KCND2: variants seen among roughly 807,000 people sequenced by gnomAD.
The protein encoded by KCND2 is A-type voltage-gated potassium channel KCND2.
In KCND2, 16 loss-of-function variants were observed where a neutral mutation model predicts 54.4. That is an observed-to-expected ratio of 0.29 (90% CI 0.20 to 0.45). KCND2 has a LOEUF of 0.45. KCND2 is among the 20% of genes least tolerant of loss of function. The pLI, the probability that KCND2 is intolerant of heterozygous loss-of-function variation, is 1.00. For missense variants in KCND2, 486 were observed against 824.2 expected, an observed-to-expected ratio of 0.59 and a Z score of 5.02; for synonymous variants, 317 against 310.7, an observed-to-expected ratio of 1.02 and a Z score of -0.21.
chr7:120,335,460 C>T (rs200538692), intron 1 of KCND2, among the ~76,000 whole-genome samples: 56 of 136,776 alleles, frequency 4.1e-4, no homozygotes, highest in African/African-American at 1.2e-3. Context: ...TATTTATTTA[C>T]TTACTTACTT....
chr7:120,300,079 A>C (rs1799564434), intron 1 of KCND2, among the ~76,000 whole-genome samples: 1 of 152,322 alleles, frequency 6.6e-6, no homozygotes, highest in South Asian at 2.1e-4. Flanking sequence ...GTTAACTTTA[A>C]GGAAGAACTA....
At chr7:120,312,166 C>A (rs994542897) in intron 1 of KCND2, among the ~76,000 whole-genome samples, 1 of 152,228 alleles carries the variant, frequency 6.6e-6, no homozygotes, top group South Asian at 2.1e-4. Context: ...TTCGGCCTCC[C>A]AAAATGCTGG....
intron 1 of KCND2, among the ~76,000 whole-genome samples, chr7:120,293,340 G>A (rs537529528): frequency 6.6e-6 from 1 of 152,076 alleles, no homozygotes; most frequent in African/African-American, 2.4e-5. Context: ...GAAAGCATTT[G>A]CCCAGTGCAA....
At chr7:120,296,547 G>A (rs749966607) in intron 1 of KCND2, among the ~76,000 whole-genome samples, 1 of 152,008 alleles carries the variant, frequency 6.6e-6, no homozygotes, top group Admixed American at 6.6e-5. Flanking sequence ...ATATGGGAAT[G>A]GTAATTGTTT....
intron 1 of KCND2, among the ~76,000 whole-genome samples, chr7:120,589,101 G>C (rs185280304): frequency 2.0e-5 from 3 of 152,102 alleles, no homozygotes; most frequent in African/African-American, 7.2e-5. Flanking sequence ...GCTAACACAC[G>C]TTTATTATTT....
In KCND2 at chr7:120,385,283, A is replaced by G. The variant is rs575602175; in HGVS notation, c.1115+109536A>G. Reference sequence around the variant, plus strand: ...GCTGGGATTACAGACATGAGCCACCATGCCCGGCCCATTTGTACACAACTT... The same window carrying G: ...GCTGGGATTACAGACATGAGCCACCGTGCCCGGCCCATTTGTACACAACTT... On this transcript the variant is annotated intron_variant, in intron 1 of 5. Coordinates refer to ENST00000331113, the MANE Select transcript of KCND2 (RefSeq NM_012281.3). 1.5e-3 allele frequency among the ~76,000 whole-genome samples: 224 copies of G among 152,030 alleles called. 1 individual carries two copies. The South Asian group carries it at 0.044, about 30-fold the overall frequency.
chr7:120,627,116 C>A (rs1793173558), intron 1 of KCND2, among the ~76,000 whole-genome samples: 1 of 152,124 alleles, frequency 6.6e-6, no homozygotes, highest in Non-Finnish European at 1.5e-5. Context: ...CAGCAGAAAC[C>A]TGGATGCAAC....
chr7:120,729,948 C>T (rs1258752259), intron 1 of KCND2, among the ~76,000 whole-genome samples: 1 of 152,092 alleles, frequency 6.6e-6, no homozygotes, highest in Non-Finnish European at 1.5e-5. Context: ...GGTGTATCTC[C>T]TTACTTTTCG....
chr7:120,571,009 T>C (rs1051922084), intron 1 of KCND2, among the ~76,000 whole-genome samples: 2 of 152,314 alleles, frequency 1.3e-5, no homozygotes, highest in Admixed American at 1.3e-4. Flanking sequence ...TGCACGCTGC[T>C]CAAGTCTCCG....
chr7:120,743,762 G>A (rs893672693), intron 4 of KCND2, among the ~76,000 whole-genome samples: 2 of 152,312 alleles, frequency 1.3e-5, no homozygotes, highest in South Asian at 2.1e-4. Flanking sequence ...AGTGTAGCAT[G>A]GCAAAAGAGG....
At chr7:120,485,779 A>G (rs1802684238) in intron 1 of KCND2, among the ~76,000 whole-genome samples, 1 of 152,226 alleles carries the variant, frequency 6.6e-6, no homozygotes, top group Non-Finnish European at 1.5e-5. Flanking sequence ...GATAAACTGC[A>G]CATATAACAT....
At chr7:120,626,007 A>G (rs1793159473) in intron 1 of KCND2, among the ~76,000 whole-genome samples, 1 of 152,132 alleles carries the variant, frequency 6.6e-6, no homozygotes. Flanking sequence ...GGAACATTTT[A>G]CAATCCAAAC....
At chr7:120,593,141 C>T (rs1355790694) in intron 1 of KCND2, among the ~76,000 whole-genome samples, 1 of 152,134 alleles carries the variant, frequency 6.6e-6, no homozygotes, top group Non-Finnish European at 1.5e-5. Flanking sequence ...AACCCTATTT[C>T]GTTTAGCTCA....
chr7:120,528,066 A>T (rs562060084), intron 1 of KCND2, among the ~76,000 whole-genome samples: 22 of 152,146 alleles, frequency 1.4e-4, no homozygotes, highest in Non-Finnish European at 2.8e-4. Context: ...ATTCATATAT[A>T]GTTACTTCTT....
chr7:120,366,536 G>A (rs923512877), intron 1 of KCND2, among the ~76,000 whole-genome samples: 1 of 143,566 alleles, frequency 7.0e-6, no homozygotes, highest in South Asian at 2.2e-4. Flanking sequence ...GAAGGAGAGA[G>A]GGAGGAAAGA....
At chr7:120,728,141 A>G (rs1290114019) in intron 1 of KCND2, among the ~76,000 whole-genome samples, 2 of 150,788 alleles carry the variant, frequency 1.3e-5, no homozygotes, top group Non-Finnish European at 3.0e-5. Flanking sequence ...TCAAAAAAAA[A>G]AAAAAAAGAA....
chr7:120,698,401 T>C (rs77346541), intron 1 of KCND2, among the ~76,000 whole-genome samples: 2,686 of 152,322 alleles, frequency 0.018, 25 homozygotes, highest in African/African-American at 0.021. Context: ...TAAAACTCTT[T>C]GTGGCTCAGT....
At chr7:120,651,998 G>A (rs958178644) in intron 1 of KCND2, among the ~76,000 whole-genome samples, 1 of 151,946 alleles carries the variant, frequency 6.6e-6, no homozygotes, top group Non-Finnish European at 1.5e-5. Context: ...TAATTTTATT[G>A]TAAGGCAAAC....
chr7:120,699,975 A>C (rs1792379921), intron 1 of KCND2, among the ~76,000 whole-genome samples: 1 of 152,198 alleles, frequency 6.6e-6, no homozygotes, highest in Non-Finnish European at 1.5e-5. Flanking sequence ...GAGGAAGAAA[A>C]GATACAAGTA....
Sources: allele counts gnomAD v4.1 joint callset (sites outside exome capture counted in the v4.1 genomes callset), GRCh38; gene constraint gnomAD v4.1.1; transcripts MANE v1.5; gene names NCBI Gene and HGNC (gene_info 2026-07-23, HGNC 2026-07-21).